IREB2: variants seen among roughly 807,000 people sequenced by gnomAD.
The protein encoded by IREB2 is iron-responsive element-binding protein 2.
Under a neutral mutation model 118.8 loss-of-function variants are expected in IREB2, and 39 were observed. That is an observed-to-expected ratio of 0.33 (90% CI 0.25 to 0.43). IREB2 has a LOEUF of 0.43. Among genes scored for constraint, IREB2 ranks in the 20% least tolerant of loss-of-function variants. IREB2 has a pLI of 1.00. For missense variants in IREB2, 900 were observed against 1,147.3 expected, an observed-to-expected ratio of 0.78 and a Z score of 3.11; for synonymous variants, 372 against 392.2, an observed-to-expected ratio of 0.95 and a Z score of 0.61.
intron 2 of IREB2, among the ~76,000 whole-genome samples, chr15:78,451,026 T>G (rs2141457334): frequency 6.6e-6 from 1 of 152,110 alleles, no homozygotes; most frequent in African/African-American, 2.4e-5. Context: ...GTGCAGTGGC[T>G]CAATCTCGGC....
chr15:78,498,310 T>C lies in IREB2; in HGVS notation c.*167T>C. On this transcript the variant is annotated 3_prime_UTR_variant, in exon 22 of 22. Transcript: ENST00000258886. ...CATAGTAACTGAAATGAAATCTTCT[T>C]GATTTTAAATAATATACGAATGGTG... The C allele has an allele frequency of 2.1e-6, 1 of 483,072 alleles. No homozygotes were observed. The highest frequency in any genetic ancestry group is 3.7e-6 in the Non-Finnish European group (1 of 269,564). 29.9% of individuals were successfully genotyped at this position (483,072 alleles called of 1,614,324 possible).
At chr15:78,438,559 T>G (rs1279076417) in intron 1 of IREB2, 1 of 599,202 alleles carries the variant, frequency 1.7e-6, no homozygotes, top group Non-Finnish European at 3.0e-6. Flanking sequence ...CCCACCCTCC[T>G]GCGCGACACC....
At chr15:78,460,872 G>A (rs1014695071) in intron 2 of IREB2, among the ~76,000 whole-genome samples, 3 of 151,846 alleles carry the variant, frequency 2.0e-5, no homozygotes, top group Non-Finnish European at 4.4e-5. Context: ...ATTAACGTGC[G>A]CTATTGGAAA....
At chr15:78,463,816 T>G (rs2051237651) in intron 3 of IREB2, among the ~76,000 whole-genome samples, 1 of 152,188 alleles carries the variant, frequency 6.6e-6, no homozygotes, top group African/African-American at 2.4e-5. Context: ...AGCTCTGGGA[T>G]TATAGGCATG....
At chr15:78,484,730 T>G in intron 11 of IREB2, 31 bp from the exon 12 acceptor site, 1 of 1,546,786 alleles carries the variant, frequency 6.5e-7, no homozygotes, top group Non-Finnish European at 8.9e-7. Context: ...CCCAGAATAT[T>G]TAGTTTATAT....
At chr15:78,488,897 G>A in intron 16 of IREB2, 126 bp downstream of exon 16, 1 of 583,646 alleles carries the variant, frequency 1.7e-6, no homozygotes, top group Non-Finnish European at 2.8e-6. Flanking sequence ...ATGTGTAATA[G>A]TAAGTTTGTA....
intron 1 of IREB2, 37 bp from the exon 2 acceptor site, chr15:78,439,758 G>A (rs2050816096): frequency 2.7e-6 from 3 of 1,117,456 alleles, no homozygotes; most frequent in East Asian, 4.8e-5. Context: ...AAAATATTTT[G>A]TTGCTGCATT....
chr15:78,455,841 G>GTGATTAT (rs2051096383), intron 2 of IREB2, among the ~76,000 whole-genome samples: 1 of 152,190 alleles, frequency 6.6e-6, no homozygotes, highest in Non-Finnish European at 1.5e-5. Context: ...AAAGATTTAT[G>GTGATTAT]ACAGTCACAG....
At chr15:78,497,394 A>G in intron 21 of IREB2, 83 bp downstream of exon 21, 3 of 983,162 alleles carry the variant, frequency 3.1e-6, no homozygotes, top group East Asian at 2.6e-5. Flanking sequence ...TGTAAATTAT[A>G]TACTAATGTC....
At chr15:78,477,630 C>T (rs2141499809) in intron 9 of IREB2, among the ~76,000 whole-genome samples, 1 of 152,284 alleles carries the variant, frequency 6.6e-6, no homozygotes, top group Non-Finnish European at 1.5e-5. Context: ...TTCAAAATTC[C>T]TTACTGAGGC....
chr15:78,482,611 CTG>C (rs2051593738), intron 10 of IREB2, among the ~76,000 whole-genome samples: 1 of 152,104 alleles, frequency 6.6e-6, no homozygotes, highest in Non-Finnish European at 1.5e-5. Flanking sequence ...CCGTTTACCT[CTG>C]TGATCACAGA....
intron 2 of IREB2, among the ~76,000 whole-genome samples, chr15:78,456,361 G>A (rs1024013565): frequency 6.6e-6 from 1 of 152,116 alleles, no homozygotes. Flanking sequence ...ACAAAATGTT[G>A]AGTTAACATT....
In IREB2 at chr15:78,488,522, A is replaced by T. The variant is rs2051696834; in HGVS notation, c.1952-125A>T. ...AAATGTACAGGTAATTAGTTCTTCC[A>T]GCCGCTTAAGCCTGAAGCACCCTGT... On this transcript the variant is annotated intron_variant, in intron 15 of 21. Coordinates refer to ENST00000258886, the MANE Select transcript of IREB2 (RefSeq NM_004136.4). 9.6e-6 allele frequency: 10 copies of T among 1,036,602 alleles called. No individual in the cohort carries two copies. In the East Asian group the frequency reaches 2.4e-4, roughly 25 times the overall value. The allele number at this position is 1,036,602 out of a possible 1,614,324, so 64.2% of individuals were successfully genotyped here.
chr15:78,447,824 T>A (rs1267910465), intron 2 of IREB2, among the ~76,000 whole-genome samples: 1 of 152,132 alleles, frequency 6.6e-6, no homozygotes, highest in Non-Finnish European at 1.5e-5. Flanking sequence ...TAAGTCAAGT[T>A]CAAGGTATCA....
At position 78,482,614 on chromosome 15, in the gene IREB2, TG is replaced by T; in HGVS notation, c.1297-703del. Among the ~76,000 whole-genome samples, 2 of 152,194 alleles carry T rather than the reference TG, an allele frequency of 1.3e-5. 1 individual carries two copies. On this transcript the variant is annotated intron_variant, in intron 10 of 21. Transcript: ENST00000258886. ...AATGTTTACTAACCGTTTACCTCTG[TG>T]ATCACAGAGCGGGCAGGAGGGTAGA...
At chr15:78,456,533 G>A (rs2051108213) in intron 2 of IREB2, among the ~76,000 whole-genome samples, 1 of 151,886 alleles carries the variant, frequency 6.6e-6, no homozygotes. Context: ...TGGGCATAGT[G>A]GTATACGCCT....
At chr15:78,449,163 T>C (rs2050980976) in intron 2 of IREB2, among the ~76,000 whole-genome samples, 1 of 152,218 alleles carries the variant, frequency 6.6e-6, no homozygotes, top group Admixed American at 6.5e-5. Flanking sequence ...ACCAACGCCT[T>C]TTCTTTCCAA....
chr15:78,478,158 C>T (rs948516809), intron 9 of IREB2, 139 bp from the exon 10 acceptor site: 5 of 564,580 alleles, frequency 8.9e-6, no homozygotes, highest in East Asian at 6.1e-5. Context: ...TGCTTGAGCT[C>T]GGGAGGTCAA....
At chr15:78,441,727 G>T (rs1004645625) in intron 2 of IREB2, among the ~76,000 whole-genome samples, 1 of 152,056 alleles carries the variant, frequency 6.6e-6, no homozygotes, top group South Asian at 2.1e-4. Flanking sequence ...AAGTTGTCAT[G>T]GGAATTTGTA....
Sources: allele counts gnomAD v4.1 joint callset (sites outside exome capture counted in the v4.1 genomes callset), GRCh38; gene constraint gnomAD v4.1.1; transcripts MANE v1.5; gene names NCBI Gene and HGNC (gene_info 2026-07-23, HGNC 2026-07-21).